ADIPOR2: variants seen among roughly 807,000 people sequenced by gnomAD.
The protein encoded by ADIPOR2 is adiponectin receptor 2.
In ADIPOR2, 18 loss-of-function variants were observed where a neutral mutation model predicts 40.9. That is an observed-to-expected ratio of 0.44 (90% CI 0.30 to 0.65). ADIPOR2 has a LOEUF of 0.65. ADIPOR2 is among the 30% of genes least tolerant of loss of function. The pLI is 0.09. For synonymous variants in ADIPOR2, 165 were observed against 166.4 expected (o/e 0.99, Z 0.06); for missense variants, 283 against 479.2 (o/e 0.59, Z 3.82).
At chr12:1,757,457 C>A in intron 2 of ADIPOR2, 1 of 722,378 alleles carries the variant, frequency 1.4e-6, no homozygotes, top group South Asian at 1.5e-5. Flanking sequence ...CAGTTCTTCC[C>A]AGGTTAGCAC....
chr12:1,693,840 C>G (rs11061924), intron 1 of ADIPOR2, among the ~76,000 whole-genome samples: 41,356 of 151,988 alleles, frequency 0.27, 6,245 homozygotes, highest in Admixed American at 0.44. Context: ...GCCCTGTAAT[C>G]TGCTTTTTTA....
intron 1 of ADIPOR2, among the ~76,000 whole-genome samples, chr12:1,753,613 A>G (rs537398218): frequency 3.2e-4 from 48 of 152,338 alleles, no homozygotes; most frequent in African/African-American, 1.1e-3. Flanking sequence ...AATACAAAAT[A>G]TTATGGATAA....
intron 1 of ADIPOR2, among the ~76,000 whole-genome samples, chr12:1,725,384 T>C (rs1459030480): frequency 2.6e-5 from 4 of 152,148 alleles, no homozygotes; most frequent in African/African-American, 9.7e-5. Flanking sequence ...CCTCCCAAAG[T>C]GCTGGGATTA....
intron 1 of ADIPOR2, among the ~76,000 whole-genome samples, chr12:1,738,870 G>A (rs894267515): frequency 6.6e-6 from 1 of 152,020 alleles, no homozygotes; most frequent in Admixed American, 6.5e-5. Flanking sequence ...TATTTTTCTC[G>A]AAAATGAGAA....
intron 2 of ADIPOR2, among the ~76,000 whole-genome samples, chr12:1,770,647 T>C (rs1862477513): frequency 6.6e-6 from 1 of 152,210 alleles, no homozygotes; most frequent in African/African-American, 2.4e-5. Context: ...CATGTAAGTA[T>C]GTTCCAGAAG....
At chr12:1,766,150 A>G (rs944107288) in intron 2 of ADIPOR2, among the ~76,000 whole-genome samples, 4 of 152,234 alleles carry the variant, frequency 2.6e-5, no homozygotes, top group East Asian at 3.8e-4. Context: ...TGCACAGATT[A>G]CTATGGTAGT....
At chr12:1,761,612 C>A (rs1033975529) in intron 2 of ADIPOR2, among the ~76,000 whole-genome samples, 1 of 152,134 alleles carries the variant, frequency 6.6e-6, no homozygotes, top group Non-Finnish European at 1.5e-5. Flanking sequence ...TATGAAGAGA[C>A]CTGCCTAGGT....
intron 2 of ADIPOR2, among the ~76,000 whole-genome samples, chr12:1,756,075 C>A (rs1361578860): frequency 6.6e-6 from 1 of 152,028 alleles, no homozygotes; most frequent in Non-Finnish European, 1.5e-5. Flanking sequence ...CTTGCCTTCC[C>A]CTCCTGCCTC....
intron 6 of ADIPOR2, among the ~76,000 whole-genome samples, chr12:1,782,010 C>A (rs1862729451): frequency 6.6e-6 from 1 of 152,210 alleles, no homozygotes; most frequent in South Asian, 2.1e-4. Flanking sequence ...TACAGCTGAG[C>A]ATTCTGTTAT....
intron 1 of ADIPOR2, among the ~76,000 whole-genome samples, chr12:1,712,274 G>A (rs551206987): frequency 5.5e-4 from 84 of 152,212 alleles, no homozygotes; most frequent in African/African-American, 2.0e-3. Context: ...GTTGAGAGCC[G>A]CACAGATGCA....
intron 2 of ADIPOR2, among the ~76,000 whole-genome samples, chr12:1,762,719 G>A (rs1053670101): frequency 4.6e-5 from 7 of 152,184 alleles, no homozygotes; most frequent in East Asian, 3.9e-4. Context: ...TATGTTATTC[G>A]TTCCTAAAGT....
chr12:1,776,662 C>G (rs1471570326), intron 3 of ADIPOR2, among the ~76,000 whole-genome samples: 1 of 152,230 alleles, frequency 6.6e-6, no homozygotes, highest in African/African-American at 2.4e-5. Flanking sequence ...CCCTTTTCCT[C>G]TAGAATCTGA....
chr12:1,711,342 G>T (rs2094676424), intron 1 of ADIPOR2, among the ~76,000 whole-genome samples: 1 of 152,074 alleles, frequency 6.6e-6, no homozygotes, highest in African/African-American at 2.4e-5. Context: ...TATAAGTAGG[G>T]GTATTAGTTG....
At chr12:1,753,380 C>A (rs1178338276) in intron 1 of ADIPOR2, among the ~76,000 whole-genome samples, 2 of 152,158 alleles carry the variant, frequency 1.3e-5, no homozygotes, top group Non-Finnish European at 2.9e-5. Flanking sequence ...TGCTGCAGTC[C>A]AGTTTAGAGA....
chr12:1,691,510 C>T (rs1345567673), intron 1 of ADIPOR2, among the ~76,000 whole-genome samples: 2 of 152,344 alleles, frequency 1.3e-5, no homozygotes, highest in Non-Finnish European at 2.9e-5. Context: ...CTGCCCTCTG[C>T]TCACCTTCGG....
At chr12:1,699,214 T>A (rs1052249844) in intron 1 of ADIPOR2, among the ~76,000 whole-genome samples, 1 of 152,216 alleles carries the variant, frequency 6.6e-6, no homozygotes, top group African/African-American at 2.4e-5. Flanking sequence ...AATGGTCTTT[T>A]AAAAATCTAA....
intron 1 of ADIPOR2, among the ~76,000 whole-genome samples, chr12:1,752,847 A>G (rs1167554597): frequency 6.6e-6 from 1 of 152,218 alleles, no homozygotes; most frequent in Non-Finnish European, 1.5e-5. Flanking sequence ...ATATAATTAA[A>G]TAGAAGCCAT....
chr12:1,729,992 G>A (rs1009183061), intron 1 of ADIPOR2, among the ~76,000 whole-genome samples: 5 of 151,924 alleles, frequency 3.3e-5, no homozygotes, highest in African/African-American at 1.2e-4. Context: ...AAGGCATACC[G>A]GAAGGGAACA....
At chr12:1,749,325 G>T (rs185802484) in intron 1 of ADIPOR2, among the ~76,000 whole-genome samples, 1 of 152,266 alleles carries the variant, frequency 6.6e-6, no homozygotes, top group Admixed American at 6.5e-5. Context: ...GACCCTACAT[G>T]AGAGAGTCTT....
Sources: allele counts gnomAD v4.1 joint callset (sites outside exome capture counted in the v4.1 genomes callset), GRCh38; gene constraint gnomAD v4.1.1; transcripts MANE v1.5; gene names NCBI Gene and HGNC (gene_info 2026-07-23, HGNC 2026-07-21).